CREB5: variants seen among roughly 807,000 people sequenced by gnomAD.
The protein encoded by CREB5 is cAMP responsive element binding protein 5, also known as cyclic AMP-responsive element-binding protein 5.
CREB5 carries 19 observed loss-of-function variants against 57.1 expected under a neutral mutation model. The observed-to-expected ratio is 0.33, with a 90% CI of 0.23 to 0.49. The LOEUF (loss-of-function observed/expected upper bound fraction) is 0.49. CREB5 is among the 20% of genes least tolerant of loss of function. CREB5 has a pLI of 0.99. For synonymous variants in CREB5, 238 were observed against 238.3 expected (o/e 1.00, Z 0.01); for missense variants, 579 against 671.6 (o/e 0.86, Z 1.52).
chr7:28,572,581 T>TC (rs1355747393), intron 5 of CREB5, among the ~76,000 whole-genome samples: 2 of 152,040 alleles, frequency 1.3e-5, no homozygotes, highest in African/African-American at 2.4e-5. Flanking sequence ...CAGCATTCCT[T>TC]CCCCCCTGGA....
At chr7:28,421,378 A>ATG (rs1380818596) in intron 1 of CREB5, among the ~76,000 whole-genome samples, 3 of 152,048 alleles carry the variant, frequency 2.0e-5, no homozygotes, top group Non-Finnish European at 4.4e-5. Flanking sequence ...CATTTAAAAA[A>ATG]TGTTTTATTT....
intron 7 of CREB5, among the ~76,000 whole-genome samples, chr7:28,760,819 C>T (rs576305454): frequency 3.5e-4 from 53 of 152,172 alleles, no homozygotes; most frequent in Non-Finnish European, 3.1e-4. Context: ...TTTCTTGGCA[C>T]AGCAGCAAAT....
chr7:28,784,578 C>T (rs1807199508), intron 7 of CREB5, among the ~76,000 whole-genome samples: 9 of 152,014 alleles, frequency 5.9e-5, no homozygotes, highest in Admixed American at 5.9e-4. Flanking sequence ...ATCTGGCTGC[C>T]CTGATGATGG....
chr7:28,381,922 T>C (rs1786974564), intron 1 of CREB5, among the ~76,000 whole-genome samples: 1 of 152,196 alleles, frequency 6.6e-6, no homozygotes, highest in Admixed American at 6.5e-5. Flanking sequence ...GTTACGGGAA[T>C]TGGCTCACTT....
intron 5 of CREB5, among the ~76,000 whole-genome samples, chr7:28,717,412 G>A (rs147230566): frequency 7.1e-4 from 108 of 152,042 alleles, no homozygotes; most frequent in African/African-American, 2.5e-3. Flanking sequence ...AAGACCTCTT[G>A]GGCAAAAAGA....
At chr7:28,779,962 TATC>T (rs1424803029) in intron 7 of CREB5, among the ~76,000 whole-genome samples, 2 of 152,180 alleles carry the variant, frequency 1.3e-5, no homozygotes, top group African/African-American at 4.8e-5. Context: ...TAGATAGGCA[TATC>T]ATTATTTCTC....
At chr7:28,476,433 A>G (rs562143852) in intron 1 of CREB5, among the ~76,000 whole-genome samples, 1 of 152,346 alleles carries the variant, frequency 6.6e-6, no homozygotes, top group East Asian at 1.9e-4. Flanking sequence ...AGCACTTTGC[A>G]GTTTATGAAG....
intron 5 of CREB5, among the ~76,000 whole-genome samples, chr7:28,688,434 A>G (rs1052266301): frequency 6.6e-6 from 1 of 152,232 alleles, no homozygotes; most frequent in African/African-American, 2.4e-5. Context: ...CAATGAATTT[A>G]TTCCCCCAAA....
chr7:28,609,496 G>A lies in CREB5; in HGVS notation c.464+38959G>A, dbSNP rs1797303463. Among the ~76,000 whole-genome samples, 3 of 152,304 alleles carry A rather than the reference G, an allele frequency of 2.0e-5. No homozygotes were observed. The South Asian group carries it at 6.2e-4, about 32-fold the overall frequency. ...GCTATCCCTTAGCCTGATGATAAAA[G>A]GTAGTTTTAAAATAGAACAATCCTC... is the stretch of plus-strand genomic sequence containing the variant. On this transcript the variant is annotated intron_variant, in intron 5 of 10. Transcript: ENST00000357727.
intron 1 of CREB5, among the ~76,000 whole-genome samples, chr7:28,393,261 A>G (rs1164781328): frequency 3.3e-5 from 5 of 152,096 alleles, no homozygotes; most frequent in South Asian, 2.1e-4. Context: ...AATTTCAAAT[A>G]TTTTTACTGA....
At position 28,804,153 on chromosome 7, in the gene CREB5, T is replaced by C. The variant is rs764366531; in HGVS notation, c.703-46T>C. 1.9e-6 allele frequency: 3 copies of C among 1,570,322 alleles called. No homozygotes were observed. The Admixed American group carries it at 5.1e-5, about 27-fold the overall frequency. On this transcript the variant is annotated intron_variant, in intron 7 of 10. Coordinates refer to ENST00000357727, the MANE Select transcript of CREB5 (RefSeq NM_182898.4). Reference sequence around the variant, plus strand: ...TGCTTTTAAATCTCTATCATGTACATGACTGACTTCAGTTGTTCTCTCTCC... The same window carrying C: ...TGCTTTTAAATCTCTATCATGTACACGACTGACTTCAGTTGTTCTCTCTCC...
chr7:28,650,520 A>T (rs1799084775), intron 5 of CREB5, among the ~76,000 whole-genome samples: 1 of 152,174 alleles, frequency 6.6e-6, no homozygotes, highest in Admixed American at 6.5e-5. Flanking sequence ...ACAGATCCAG[A>T]TAGTCTAAAA....
chr7:28,435,113 C>G (rs1235850009), intron 1 of CREB5, among the ~76,000 whole-genome samples: 1 of 145,950 alleles, frequency 6.9e-6, no homozygotes, highest in Non-Finnish European at 1.5e-5. Context: ...TTTTTTCCTC[C>G]CTCACTCAAC....
At chr7:28,484,730 C>T (rs902974358) in intron 1 of CREB5, among the ~76,000 whole-genome samples, 28 of 152,140 alleles carry the variant, frequency 1.8e-4, no homozygotes, top group African/African-American at 6.5e-4. Flanking sequence ...CCCAGTAGAA[C>T]CTATCAATGA....
intron 1 of CREB5, among the ~76,000 whole-genome samples, chr7:28,476,610 T>C (rs1350679987): frequency 6.6e-6 from 1 of 152,240 alleles, no homozygotes; most frequent in Admixed American, 6.5e-5. Context: ...GTTTCTTTTC[T>C]AACATAAAAT....
At chr7:28,326,573 T>TA (rs1166810646) in intron 1 of CREB5, among the ~76,000 whole-genome samples, 1 of 152,220 alleles carries the variant, frequency 6.6e-6, no homozygotes, top group Admixed American at 6.5e-5. Context: ...ACTGAGTATT[T>TA]AGTCACAACA....
At chr7:28,315,125 G>A (rs1221276395) in intron 1 of CREB5, among the ~76,000 whole-genome samples, 1 of 152,160 alleles carries the variant, frequency 6.6e-6, no homozygotes, top group Non-Finnish European at 1.5e-5. Flanking sequence ...CAGACGCTGG[G>A]TGAATAAATG....
chr7:28,330,988 G>T (rs145635556), intron 1 of CREB5, among the ~76,000 whole-genome samples: 154 of 152,230 alleles, frequency 1.0e-3, no homozygotes, highest in African/African-American at 3.6e-3. Context: ...TTACTACCTT[G>T]TGGGGACAGA....
At chr7:28,398,704 CA>C (rs1241619930) in intron 1 of CREB5, among the ~76,000 whole-genome samples, 1 of 152,082 alleles carries the variant, frequency 6.6e-6, no homozygotes. Context: ...TAAGATCAGA[CA>C]ATTAATATTA....
Sources: allele counts gnomAD v4.1 joint callset (sites outside exome capture counted in the v4.1 genomes callset), GRCh38; gene constraint gnomAD v4.1.1; transcripts MANE v1.5; gene names NCBI Gene and HGNC (gene_info 2026-07-23, HGNC 2026-07-21).